GTF2H3: variants seen among roughly 807,000 people sequenced by gnomAD.
GTF2H3 encodes the protein TFIIH basal transcription factor complex p34 subunit.
In GTF2H3, 42 loss-of-function variants were observed where a neutral mutation model predicts 51.1. That is an observed-to-expected ratio of 0.82 (90% CI 0.64 to 1.06). The LOEUF (loss-of-function observed/expected upper bound fraction) is 1.06, where lower values mean the gene tolerates loss of function less well. Among genes scored for constraint, GTF2H3 ranks in the 50% least tolerant of loss-of-function variants. The pLI is 0.00. For missense variants in GTF2H3, 326 were observed against 366.1 expected (o/e 0.89, Z 0.89); for synonymous variants, 123 against 123.8 (o/e 0.99, Z 0.04).
chr12:123,641,466 T>C (rs967514364), intron 2 of GTF2H3, among the ~76,000 whole-genome samples: 6 of 151,802 alleles, frequency 4.0e-5, no homozygotes, highest in African/African-American at 1.5e-4. Flanking sequence ...CCTCAAGTGA[T>C]CTGCCTGCCT....
chr12:123,659,558 A>T lies in GTF2H3; in HGVS notation c.658A>T (p.Met220Leu), dbSNP rs1465792067. 6.2e-7 allele frequency: 1 copy of T among 1,614,050 alleles called. No homozygotes were observed. Among genetic ancestry groups the T allele is most frequent in the Non-Finnish European group, 8.5e-7 (1 of 1,179,984 alleles). ...AGGACTGTACCTGAAGGTGCCTCAG[A>T]TGCCTTCTCTTCTGCAGTATTTGCT... is the stretch of plus-strand genomic sequence containing the variant. ...TGGLYLKVPQ[M>L]PSLLQYLLWV... The change falls in exon 10 of 13, where the codon ATG becomes TTG. Residue 220 changes from methionine to leucine, a missense_variant. Transcript: ENST00000543341.
chr12:123,644,069 G>C (rs1955414440), intron 2 of GTF2H3, among the ~76,000 whole-genome samples: 2 of 152,056 alleles, frequency 1.3e-5, no homozygotes, highest in South Asian at 2.1e-4. Context: ...GACCACAGGT[G>C]ATCTGCCTGC....
chr12:123,647,138 G>A (rs1262607841), intron 3 of GTF2H3, among the ~76,000 whole-genome samples: 2 of 135,672 alleles, frequency 1.5e-5, no homozygotes, highest in Non-Finnish European at 3.1e-5. Flanking sequence ...GGGCGACAGA[G>A]CAAGACCCTG....
chr12:123,649,412 C>A (rs532720645), intron 4 of GTF2H3: 3 of 152,292 alleles, frequency 2.0e-5, no homozygotes, highest in Non-Finnish European at 4.4e-5. Context: ...TAATATCCCC[C>A]AGTTGTGACA....
chr12:123,636,750 T>A (rs1245853416), intron 1 of GTF2H3, among the ~76,000 whole-genome samples: 2 of 152,184 alleles, frequency 1.3e-5, no homozygotes, highest in Non-Finnish European at 2.9e-5. Flanking sequence ...AAACTCTGTC[T>A]CTACTGAAAA....
chr12:123,645,312 C>T, intron 2 of GTF2H3, 143 bp from the exon 3 acceptor site: 2 of 600,780 alleles, frequency 3.3e-6, no homozygotes, highest in South Asian at 4.1e-5. Flanking sequence ...TCAAGCAGTC[C>T]TCCCACCTTG....
At chr12:123,635,565 T>C (rs1265660138) in intron 1 of GTF2H3, among the ~76,000 whole-genome samples, 2 of 115,050 alleles carry the variant, frequency 1.7e-5, no homozygotes, top group East Asian at 2.4e-4. Flanking sequence ...AGAGCAAGTC[T>C]CCGTCGCAAA....
At chr12:123,641,528 T>G (rs1319851227) in intron 2 of GTF2H3, among the ~76,000 whole-genome samples, 2 of 130,020 alleles carry the variant, frequency 1.5e-5, no homozygotes, top group Non-Finnish European at 3.1e-5. Flanking sequence ...TCTGCCCCCG[T>G]TTTTTTTTTT....
chr12:123,658,383 A>G (rs1955612904), intron 9 of GTF2H3, among the ~76,000 whole-genome samples: 1 of 152,030 alleles, frequency 6.6e-6, no homozygotes, highest in African/African-American at 2.4e-5. Context: ...ACGCCCAGCT[A>G]ATTTTTGTAT....
At position 123,634,837 on chromosome 12, in the gene GTF2H3, T is replaced by C. The variant is rs932625985; in HGVS notation, c.13+965T>C. 9.2e-5 allele frequency among the ~76,000 whole-genome samples: 14 copies of C among 152,250 alleles called. No homozygotes were observed. The East Asian group carries it at 1.7e-3, about 19-fold the overall frequency. The stretch of plus-strand genomic sequence containing the variant: ...CAGTTTCAGGTCATGCAGGGCCTTA[T>C]TGGCCGTGATAGAGAAGTTGGCCTT... On this transcript the variant is annotated intron_variant, in intron 1 of 12. Transcript: ENST00000543341.
chr12:123,651,197 T>A (rs1428275112), intron 5 of GTF2H3, 141 bp downstream of exon 5: 1 of 587,168 alleles, frequency 1.7e-6, no homozygotes, highest in African/African-American at 1.9e-5. Flanking sequence ...TAAAAAATAG[T>A]TTACATTGGC....
At chr12:123,644,542 T>C (rs1593799795) in intron 2 of GTF2H3, among the ~76,000 whole-genome samples, 1 of 151,936 alleles carries the variant, frequency 6.6e-6, no homozygotes, top group East Asian at 1.9e-4. Flanking sequence ...AGCACAGGCC[T>C]GTAGTCCCAG....
At chr12:123,638,792 C>CTTTTTTTTTT (rs775845249) in intron 1 of GTF2H3, among the ~76,000 whole-genome samples, 1 of 119,768 alleles carries the variant, frequency 8.3e-6, no homozygotes, top group Non-Finnish European at 1.7e-5. Flanking sequence ...TGCTTTAAAG[C>CTTTTTTTTTT]TTTTTTTTTT....
intron 4 of GTF2H3, among the ~76,000 whole-genome samples, chr12:123,650,672 T>A (rs1157404640): frequency 6.6e-6 from 1 of 152,222 alleles, no homozygotes; most frequent in African/African-American, 2.4e-5. Flanking sequence ...ATCACCGCCA[T>A]CCATCGCCAG....
At position 123,633,886 on chromosome 12, in the gene GTF2H3, A is replaced by AG; in HGVS notation, c.13+17dup. 1 of 1,613,284 alleles carries AG rather than the reference A, an allele frequency of 6.2e-7. No individual in the cohort carries two copies. Among genetic ancestry groups the AG allele is most frequent in the Non-Finnish European group, 8.5e-7 (1 of 1,179,872 alleles). On this transcript the variant is annotated intron_variant, in intron 1 of 12. Transcript: ENST00000543341. ...TGGTTTCAGACGGTGAGGACCCTGC[A>AG]GGGCGGGACTTCGACTCCGGGGCTC...
intron 10 of GTF2H3, 85 bp downstream of exon 10, chr12:123,659,669 G>A (rs1955630395): frequency 6.7e-7 from 1 of 1,483,074 alleles, no homozygotes; most frequent in Non-Finnish European, 9.4e-7. Flanking sequence ...CAAGATGGCT[G>A]GTGCTAGTAC....
At chr12:123,657,166 T>A (rs1186188342) in intron 9 of GTF2H3, among the ~76,000 whole-genome samples, 2 of 151,574 alleles carry the variant, frequency 1.3e-5, no homozygotes, top group Admixed American at 1.3e-4. Context: ...GTAATTGTGG[T>A]TTTTGCCTTT....
intron 4 of GTF2H3, 36 bp downstream of exon 4, chr12:123,648,162 T>G: frequency 6.9e-7 from 1 of 1,457,770 alleles, no homozygotes; most frequent in South Asian, 1.2e-5. Flanking sequence ...TTGCAAATAG[T>G]GTTGATTTTG....
rs1221303541 is a variant in GTF2H3 at position 123,660,238 on chromosome 12, A to G, written c.*3A>G. The G allele has an allele frequency of 6.3e-7, 1 of 1,599,844 alleles. No homozygotes were observed. The highest frequency in any genetic ancestry group is 8.5e-7 in the Non-Finnish European group (1 of 1,172,418). On this transcript the variant is annotated 3_prime_UTR_variant, in exon 13 of 13. Coordinates refer to ENST00000543341, the MANE Select transcript of GTF2H3 (RefSeq NM_001516.5). ...AGAAACTGAAAGTGTCTGCCTGAGG[A>G]TAAAATATTTTCCCCATCTTTTAGA...
Sources: gnomAD v4.1 joint callset for allele counts (sites outside exome capture counted in the v4.1 genomes callset) on GRCh38, gnomAD v4.1.1 for gene constraint, MANE v1.5 for transcripts, NCBI Gene and HGNC (gene_info 2026-07-23, HGNC 2026-07-21) for gene names.